KLF8: variants seen among roughly 807,000 people sequenced by gnomAD.
The protein encoded by KLF8 is Krueppel-like factor 8.
KLF8 carries 10 observed loss-of-function variants against 18.2 expected under a neutral mutation model. That is an observed-to-expected ratio of 0.55 (90% CI 0.34 to 0.93). The LOEUF is 0.93. Among genes scored for constraint, KLF8 ranks in the 40% least tolerant of loss-of-function variants. KLF8 has a pLI of 0.02. For missense variants in KLF8, 264 were observed against 277.9 expected (o/e 0.95, Z 0.36); for synonymous variants, 109 against 97.3 (o/e 1.12, Z -0.71).
the KLF8 span, among the ~76,000 whole-genome samples, chrX:56,222,737 C>A: frequency 1.8e-5 from 2 of 112,995 alleles, no homozygotes; most frequent in Non-Finnish European, 3.8e-5. Context: ...CAGAACCCTG[C>A]CCCCGGGGAG....
the KLF8 span, among the ~76,000 whole-genome samples, chrX:55,940,210 A>G: frequency 1.8e-5 from 2 of 112,243 alleles, no homozygotes; most frequent in Non-Finnish European, 1.9e-5. Context: ...CTGGGATGCA[A>G]GCCTGGTTTA....
chrX:56,207,054 G>A, the KLF8 span, among the ~76,000 whole-genome samples: 1 of 112,533 alleles, frequency 8.9e-6, no homozygotes, highest in Admixed American at 9.3e-5. Context: ...ATAGATGTTG[G>A]CCCCTTCTAG....
chrX:56,071,034 G>A, the KLF8 span, among the ~76,000 whole-genome samples: 2 of 111,732 alleles, frequency 1.8e-5, no homozygotes, highest in Non-Finnish European at 3.8e-5. Flanking sequence ...AGGCTGAAGT[G>A]CCACTGAAGA....
the KLF8 span, among the ~76,000 whole-genome samples, chrX:56,177,730 T>C: frequency 9.0e-6 from 1 of 111,569 alleles, no homozygotes; most frequent in Non-Finnish European, 1.9e-5. Context: ...CAGGCCTCCT[T>C]GAGCTGAGGT....
the KLF8 span, among the ~76,000 whole-genome samples, chrX:56,153,945 G>A: frequency 9.0e-6 from 1 of 111,491 alleles, no homozygotes; most frequent in Non-Finnish European, 1.9e-5. Flanking sequence ...ACAAACAAAT[G>A]GAAGAACATT....
chrX:56,050,359 T>G, the KLF8 span, among the ~76,000 whole-genome samples: 3 of 112,248 alleles, frequency 2.7e-5, no homozygotes, highest in East Asian at 8.4e-4. Flanking sequence ...ATTGTGATGT[T>G]AGTGTGTCAA....
At chrX:56,258,788 CT>C (rs2066841299) in intron 2 of KLF8, among the ~76,000 whole-genome samples, 1 of 111,424 alleles carries the variant, frequency 9.0e-6, no homozygotes, top group African/African-American at 3.3e-5. Context: ...AGCCTGAGTG[CT>C]TGTGATACAT....
chrX:56,008,768 G>A, the KLF8 span, among the ~76,000 whole-genome samples: 2 of 112,063 alleles, frequency 1.8e-5, no homozygotes, highest in South Asian at 3.7e-4. Flanking sequence ...AGGGAGACTG[G>A]GCAGTTTGGA....
chrX:56,140,091 A>G, the KLF8 span, among the ~76,000 whole-genome samples: 6 of 112,392 alleles, frequency 5.3e-5, no homozygotes, highest in Non-Finnish European at 9.4e-5. Context: ...ACTTTTATTA[A>G]GAAGTCAAAA....
chrX:56,280,677 G>A (rs1241210525), intron 5 of KLF8, among the ~76,000 whole-genome samples: 3 of 112,198 alleles, frequency 2.7e-5, no homozygotes, highest in Non-Finnish European at 3.8e-5. Context: ...ACTGCTGAAA[G>A]TTGCTTCGCC....
chrX:56,177,800 G>T, the KLF8 span, among the ~76,000 whole-genome samples: 3 of 111,433 alleles, frequency 2.7e-5, no homozygotes, highest in Non-Finnish European at 5.7e-5. Context: ...CCTCAGAAAT[G>T]GGGTCACCCC....
chrX:56,218,142 C>A, the KLF8 span, among the ~76,000 whole-genome samples: 1 of 111,415 alleles, frequency 9.0e-6, no homozygotes, highest in Non-Finnish European at 1.9e-5. Flanking sequence ...CAAAGATAAC[C>A]TGTTCCAAGG....
At chrX:56,243,230 T>A (rs886508990) in intron 1 of KLF8, 14 of 455,646 alleles carry the variant, frequency 3.1e-5, no homozygotes, top group African/African-American at 2.6e-4. Flanking sequence ...CCGAGGATAT[T>A]TGGGCTGCCT....
chrX:56,007,415 C>T, the KLF8 span, among the ~76,000 whole-genome samples: 1 of 111,310 alleles, frequency 9.0e-6, no homozygotes, highest in Admixed American at 9.5e-5. Context: ...TTAGGTAACT[C>T]CCTATACTCA....
At chrX:56,168,739 C>A in the KLF8 span, among the ~76,000 whole-genome samples, 2 of 107,188 alleles carry the variant, frequency 1.9e-5, no homozygotes, top group Non-Finnish European at 3.8e-5. Context: ...TGAGTGAGAA[C>A]ATGCAGTGTT....
At chrX:56,084,028 A>T in the KLF8 span, among the ~76,000 whole-genome samples, 5 of 111,719 alleles carry the variant, frequency 4.5e-5, no homozygotes, top group East Asian at 1.1e-3. Context: ...TTTACAAGAC[A>T]GGAACAAATG....
chrX:56,178,837 G>T, the KLF8 span, among the ~76,000 whole-genome samples: 1 of 111,840 alleles, frequency 8.9e-6, no homozygotes, highest in Non-Finnish European at 1.9e-5. Flanking sequence ...TGTTCCATTG[G>T]TATATATGTC....
the KLF8 span, among the ~76,000 whole-genome samples, chrX:56,104,695 T>G: frequency 9.0e-6 from 1 of 111,604 alleles, no homozygotes; most frequent in South Asian, 3.8e-4. Flanking sequence ...TTTGAAGGGT[T>G]TTTTGTGTCT....
At chrX:56,189,901 A>G in the KLF8 span, among the ~76,000 whole-genome samples, 1 of 102,282 alleles carries the variant, frequency 9.8e-6, no homozygotes, top group African/African-American at 3.5e-5. Flanking sequence ...GGATAACATT[A>G]GGAGATATAC....
Sources: allele counts gnomAD v4.1 joint callset (sites outside exome capture counted in the v4.1 genomes callset), GRCh38; gene constraint gnomAD v4.1.1; transcripts MANE v1.5; gene names NCBI Gene and HGNC (gene_info 2026-07-23, HGNC 2026-07-21).